SIGIRR: variants seen among roughly 807,000 people sequenced by gnomAD.
SIGIRR encodes the protein single Ig and TIR domain containing.
A neutral mutation model predicts 45.6 loss-of-function variants in SIGIRR; 41 were observed. The observed-to-expected ratio is 0.90, with a 90% CI of 0.70 to 1.17. SIGIRR has a LOEUF of 1.17. Ranked by LOEUF, SIGIRR falls within the 50% of genes most tolerant of loss-of-function variation. The pLI is 0.00. For synonymous variants in SIGIRR, 298 were observed against 239.0 expected, an observed-to-expected ratio of 1.25 and a Z score of -2.28; for missense variants, 599 against 539.6, an observed-to-expected ratio of 1.11 and a Z score of -1.09.
intron 2 of SIGIRR, chr11:409,613 T>C (rs1847497827): frequency 9.5e-6 from 4 of 422,412 alleles, no homozygotes; most frequent in Admixed American, 8.1e-5. Flanking sequence ...CAGTGCCCAC[T>C]CCTAGCATTC....
At chr11:415,375 G>C (rs1236119635), upstream of SIGIRR, among the ~76,000 whole-genome samples, 1 of 151,790 alleles carries the variant, frequency 6.6e-6, no homozygotes, top group African/African-American at 2.4e-5. This position sits in a 1 kb window ranked among gnomAD's most constrained non-coding sequence, Gnocchi z 6.6. Context: ...TGCATGGGGG[G>C]TCCTCCAGCC....
In SIGIRR at chr11:405,782, G is replaced by T; in HGVS notation, c.*114C>A. ...CCTGAGGCCACAGCCTTTTCCCAGG[G>T]CTGCTGGCAGGGTCCCAGGGCTGCT... On this transcript the variant is annotated 3_prime_UTR_variant, in exon 10 of 10. Coordinates refer to ENST00000431843, the MANE Select transcript of SIGIRR (RefSeq NM_001135054.2). 1 of 1,339,002 alleles carries T rather than the reference G, an allele frequency of 7.5e-7. No individual in the cohort carries two copies. The highest frequency in any genetic ancestry group is 1.0e-6 in the Non-Finnish European group (1 of 993,096). The allele number at this position is 1,339,002 out of a possible 1,614,324, so 82.9% of individuals were successfully genotyped here.
In SIGIRR at chr11:407,406, G is replaced by T; in HGVS notation, c.625+19C>A. On this transcript the variant is annotated intron_variant, in intron 6 of 9. Transcript: ENST00000431843. The stretch of plus-strand genomic sequence containing the variant: ...CGGGCCCTCCGGGTGGGCGGGGCAC[G>T]GGGTGGGGCCCGGGATACCAGCGCG... The T allele has an allele frequency of 1.3e-6, 2 of 1,525,596 alleles. No individual in the cohort carries two copies. Among genetic ancestry groups the T allele is most frequent in the Non-Finnish European group, 1.8e-6 (2 of 1,135,616 alleles). 94.5% of individuals were successfully genotyped at this position (1,525,596 alleles called of 1,614,324 possible).
intron 1 of SIGIRR, among the ~76,000 whole-genome samples, chr11:411,675 T>C (rs1177319406): frequency 1.6e-5 from 1 of 61,488 alleles, no homozygotes; most frequent in Admixed American, 2.4e-4. Context: ...ATACAGTCGG[T>C]GGGGGTTGCC....
Sources: allele counts gnomAD v4.1 joint callset (sites outside exome capture counted in the v4.1 genomes callset), GRCh38; gene constraint gnomAD v4.1.1; non-coding constraint Gnocchi (gnomAD v3.1); transcripts MANE v1.5; gene names NCBI Gene and HGNC (gene_info 2026-07-23, HGNC 2026-07-21).